The following PRKN variants were observed in gnomAD, a reference collection of about 807,000 sequenced individuals.
PRKN encodes the protein parkin RBR E3 ubiquitin protein ligase.
PRKN carries 56 observed loss-of-function variants against 59.5 expected under a neutral mutation model. The observed-to-expected ratio is 0.94, with a 90% confidence interval of 0.76 to 1.18. The LOEUF is 1.18. Among genes scored for constraint, PRKN ranks in the 50% most tolerant of loss-of-function variants. The pLI, the probability that PRKN is intolerant of heterozygous loss-of-function variation, is 0.00. For missense variants in PRKN, 657 were observed against 596.4 expected, an observed-to-expected ratio of 1.10 and a Z score of -1.06; for synonymous variants, 250 against 222.1, an observed-to-expected ratio of 1.13 and a Z score of -1.12.
At chr6:161,688,761 T>C (rs548580445) in intron 7 of PRKN, among the ~76,000 whole-genome samples, 22 of 152,312 alleles carry the variant, frequency 1.4e-4, no homozygotes, top group African/African-American at 5.1e-4. Flanking sequence ...TGAAGGTCCA[T>C]GGGCTGAGGT....
intron 7 of PRKN, among the ~76,000 whole-genome samples, chr6:161,675,101 C>A (rs1471922540): frequency 6.6e-6 from 1 of 152,216 alleles, no homozygotes; most frequent in Non-Finnish European, 1.5e-5. Context: ...AGTCATACAT[C>A]CCTGAAGAAT....
rs1562716584 is a variant in PRKN at position 162,380,483 on chromosome 6, GTATATATACACACATATATA to G, written c.171+62807_171+62826del. ...CACATATATATGTGTGTATATATAT[GTATATATACACACATATATA>G]TGTGTGTATATATATATATATGTAT... On this transcript the variant is annotated intron_variant, in intron 2 of 11. Coordinates refer to ENST00000366898, the MANE Select transcript of PRKN (RefSeq NM_004562.3). Among the ~76,000 whole-genome samples, 150 of 29,842 alleles carry G rather than the reference GTATATATACACACATATATA, an allele frequency of 5.0e-3. 1 individual carries two copies. Among genetic ancestry groups the G allele is most frequent in the Middle Eastern group, 0.019 (1 of 52 alleles). The allele number at this position is 29,842 out of a possible 152,430, so 19.6% of individuals were successfully genotyped here. A position where few individuals can be genotyped will look rare whatever the true frequency, so the allele number is the denominator to read the frequency against.
intron 1 of PRKN, among the ~76,000 whole-genome samples, chr6:162,723,750 T>C (rs1265600302): frequency 6.6e-6 from 1 of 152,230 alleles, no homozygotes; most frequent in Non-Finnish European, 1.5e-5. Context: ...TAAAAAGATA[T>C]GGCCACAAAC....
At position 162,232,923 on chromosome 6, in the gene PRKN, T is replaced by C. The variant is rs569134390; in HGVS notation, c.412+29602A>G. On this transcript the variant is annotated intron_variant, in intron 3 of 11. Transcript: ENST00000366898. Reference sequence around the variant, plus strand: ...AACAGAGATCAATATTTAAAACTTATGTTTGGGTAAAAAAAAAAGTCATGG... The same window carrying C: ...AACAGAGATCAATATTTAAAACTTACGTTTGGGTAAAAAAAAAAGTCATGG... Among the ~76,000 whole-genome samples, 8 of 145,960 alleles carry C rather than the reference T, an allele frequency of 5.5e-5. No homozygotes were observed. The East Asian group carries it at 1.7e-3, about 31-fold the overall frequency.
chr6:162,556,481 G>C (rs1376039789), intron 1 of PRKN, among the ~76,000 whole-genome samples: 1 of 150,870 alleles, frequency 6.6e-6, no homozygotes, highest in African/African-American at 2.4e-5. Flanking sequence ...GGGCGCAGTG[G>C]TTCACACCTG....
chr6:162,596,719 A>C (rs1466157274), intron 1 of PRKN, among the ~76,000 whole-genome samples: 1 of 152,176 alleles, frequency 6.6e-6, no homozygotes, highest in Non-Finnish European at 1.5e-5. Context: ...CTTTTCATAG[A>C]ACCCAATAGG....
At chr6:161,615,356 T>C (rs1415989543) in intron 7 of PRKN, among the ~76,000 whole-genome samples, 2 of 152,198 alleles carry the variant, frequency 1.3e-5, no homozygotes, top group Admixed American at 6.5e-5. Flanking sequence ...TTTAGAGAGA[T>C]TGAAAATATT....
chr6:162,017,988 G>C (rs968994181), intron 5 of PRKN, among the ~76,000 whole-genome samples: 2 of 151,982 alleles, frequency 1.3e-5, no homozygotes, highest in African/African-American at 4.8e-5. Context: ...GAAAGATCTG[G>C]AACAGAGATG....
chr6:162,549,723 C>CT (rs755265484), intron 1 of PRKN, among the ~76,000 whole-genome samples: 19 of 150,580 alleles, frequency 1.3e-4, no homozygotes, highest in Non-Finnish European at 2.4e-4. Flanking sequence ...ACTGCAACCG[C>CT]TGCCTCCTGA....
chr6:161,555,963 G>T (rs377249795), intron 8 of PRKN, among the ~76,000 whole-genome samples: 6 of 152,058 alleles, frequency 3.9e-5, no homozygotes, highest in Non-Finnish European at 8.8e-5. Flanking sequence ...TTAAGTAATT[G>T]ACTATTTTCT....
chr6:161,858,572 C>A (rs60591937), intron 6 of PRKN, among the ~76,000 whole-genome samples: 42,102 of 151,462 alleles, frequency 0.28, 6,560 homozygotes, highest in South Asian at 0.39. Context: ...TCTCTGAATA[C>A]CCACCCCCAC....
intron 5 of PRKN, among the ~76,000 whole-genome samples, chr6:162,050,742 G>A (rs891763460): frequency 3.3e-5 from 5 of 152,142 alleles, no homozygotes; most frequent in Non-Finnish European, 1.5e-5. Context: ...CTTCCTACCA[G>A]GCCCAGAGGA....
chr6:161,803,276 T>C (rs935356986), intron 6 of PRKN, among the ~76,000 whole-genome samples: 2 of 152,246 alleles, frequency 1.3e-5, no homozygotes, highest in Non-Finnish European at 2.9e-5. Context: ...AACGCTTTTA[T>C]TAAACTTGCA....
intron 1 of PRKN, among the ~76,000 whole-genome samples, chr6:162,544,666 T>C (rs1381282103): frequency 7.1e-6 from 1 of 141,698 alleles, no homozygotes; most frequent in Non-Finnish European, 1.5e-5. Context: ...ATTTACTTTA[T>C]TGTTGATTTT....
At chr6:162,194,629 C>G (rs749485672) in intron 4 of PRKN, among the ~76,000 whole-genome samples, 20 of 152,004 alleles carry the variant, frequency 1.3e-4, no homozygotes, top group Admixed American at 5.9e-4. Flanking sequence ...TGTAAACTAT[C>G]AAGAATAATA....
chr6:161,567,058 T>TGTGTGC (rs1780679461), intron 8 of PRKN, among the ~76,000 whole-genome samples: 2 of 137,458 alleles, frequency 1.5e-5, no homozygotes, highest in Admixed American at 7.5e-5. Flanking sequence ...TGTGTGTGTG[T>TGTGTGC]GAGAGAGGGT....
chr6:161,849,924 T>C (rs1019117712), intron 6 of PRKN, among the ~76,000 whole-genome samples: 2 of 152,168 alleles, frequency 1.3e-5, no homozygotes, highest in Non-Finnish European at 2.9e-5. Flanking sequence ...CTGGTCTAGA[T>C]GAAGAATCAT....
At chr6:161,868,446 T>C (rs1218389920) in intron 6 of PRKN, among the ~76,000 whole-genome samples, 1 of 151,958 alleles carries the variant, frequency 6.6e-6, no homozygotes, top group Non-Finnish European at 1.5e-5. Flanking sequence ...CTGGGCATGG[T>C]GGTGCATGCT....
At chr6:162,032,619 G>A (rs967651984) in intron 5 of PRKN, among the ~76,000 whole-genome samples, 12 of 152,006 alleles carry the variant, frequency 7.9e-5, no homozygotes, top group African/African-American at 2.7e-4. Flanking sequence ...CATGATTATC[G>A]CTTCATATCG....
Sources: allele counts gnomAD v4.1 joint callset (sites outside exome capture counted in the v4.1 genomes callset), GRCh38; gene constraint gnomAD v4.1.1; transcripts MANE v1.5; gene names NCBI Gene and HGNC (gene_info 2026-07-23, HGNC 2026-07-21).